The following CFAP99 variants were observed in gnomAD, a reference collection of about 807,000 sequenced individuals.
CFAP99 encodes cilia- and flagella-associated protein 99.
CFAP99 carries 84 observed loss-of-function variants against 82.7 expected under a neutral mutation model. That is an observed-to-expected ratio of 1.02 (90% CI 0.85 to 1.22). CFAP99 has a LOEUF of 1.22. CFAP99 is among the 50% of genes most tolerant of loss of function. The probability of loss-of-function intolerance (pLI) is 0.00; values close to 1 mark genes in which losing one functional copy is unlikely to be tolerated. For missense variants in CFAP99, 1,059 were observed against 983.5 expected (o/e 1.08, Z -1.03); for synonymous variants, 456 against 429.5 (o/e 1.06, Z -0.76).
At chr4:2,456,979 G>T (rs568392136) in intron 11 of CFAP99, among the ~76,000 whole-genome samples, 1 of 140,958 alleles carries the variant, frequency 7.1e-6, no homozygotes, top group Non-Finnish European at 1.5e-5. Context: ...TTGAGATCGG[G>T]TCTTGCTCTG....
chr4:2,459,399 T>A, intron 13 of CFAP99, 141 bp downstream of exon 13: 1 of 1,043,430 alleles, frequency 9.6e-7, no homozygotes, highest in Non-Finnish European at 1.3e-6. Context: ...CCTCCGTGAC[T>A]CAACACCCAT....
chr4:2,462,639 C>A lies in CFAP99; in HGVS notation c.1858C>A (p.Leu620Met). Residue 620 changes from leucine (L) to methionine (M), a missense_variant, in exon 15 of 15, where the codon CTG becomes ATG. Transcript: ENST00000635017. The surrounding 1 kb of genome is among the most constrained non-coding windows in gnomAD (Gnocchi z 4.1). The stretch of plus-strand genomic sequence containing the variant: ...GGATTGGTGGGAGGAGCCCGGGCGA[C>A]TGAAAGCCGGGGCCGGGTGGGGATG... 7.7e-7 allele frequency: 1 copy of A among 1,301,326 alleles called. No homozygotes were observed. Among genetic ancestry groups the A allele is most frequent in the South Asian group, 2.2e-5 (1 of 44,826 alleles). 80.6% of individuals were successfully genotyped at this position (1,301,326 alleles called of 1,614,324 possible).
At chr4:2,456,281 C>T (rs1734431041) in intron 11 of CFAP99, among the ~76,000 whole-genome samples, 2 of 152,124 alleles carry the variant, frequency 1.3e-5, no homozygotes, top group African/African-American at 4.8e-5. Context: ...GATCCACCTG[C>T]CTCGACCTCC....
rs1395128546 is a variant in CFAP99 at position 2,448,608 on chromosome 4, C to T, written c.643-1062C>T. On this transcript the variant is annotated intron_variant, in intron 6 of 14. Transcript: ENST00000635017. The surrounding 1 kb of genome is among the most constrained non-coding windows in gnomAD (Gnocchi z 5.2). ...CATGGAGTAAAAAACCAGAAGTGAG[C>T]AAGTCGGCCATGGGGTGTCTCAGAG... 6.6e-6 allele frequency among the ~76,000 whole-genome samples: 1 copy of T among 152,208 alleles called. No homozygotes were observed. The highest frequency in any genetic ancestry group is 6.5e-5 in the Admixed American group (1 of 15,282).
In CFAP99 at chr4:2,431,165, G is replaced by A. The variant is rs564734209; in HGVS notation, c.111+4579G>A. On this transcript the variant is annotated intron_variant, in intron 2 of 14. Coordinates refer to ENST00000635017, the Ensembl canonical transcript of CFAP99. Reference sequence around the variant, plus strand: ...AGGTGGATCACGAGGTCAGGAGATCGAGACCATCCTGGCTAACATGGTGAA... The same window carrying A: ...AGGTGGATCACGAGGTCAGGAGATCAAGACCATCCTGGCTAACATGGTGAA... 1.1e-3 allele frequency among the ~76,000 whole-genome samples: 165 copies of A among 151,634 alleles called. 1 individual carries two copies. The highest frequency in any genetic ancestry group is 3.7e-3 in the African/African-American group (153 of 41,346).
rs1259247524 is a variant in CFAP99, at chr4:2,447,976, GA to G, written c.643-1693del. ...GGATGGATGGATGGATGGATGGATG[GA>G]TGGCTTCATGGAAGGATAAGTAGAT... On this transcript the variant is annotated intron_variant, in intron 6 of 14. Transcript: ENST00000635017. Among the ~76,000 whole-genome samples, 11 of 144,644 alleles carry G rather than the reference GA, an allele frequency of 7.6e-5. No homozygotes were observed. In the East Asian group the frequency reaches 8.4e-4, roughly 11 times the overall value. 94.9% of individuals were successfully genotyped at this position (144,644 alleles called of 152,430 possible). A position where few individuals can be genotyped will look rare whatever the true frequency, so the allele number is the denominator to read the frequency against.
At chr4:2,442,166 G>A (rs1734057559) in intron 4 of CFAP99, among the ~76,000 whole-genome samples, 2 of 152,162 alleles carry the variant, frequency 1.3e-5, no homozygotes. Flanking sequence ...GGAGATGGAG[G>A]GATTGGGTGG....
exon 5 of CFAP99, chr4:2,443,230 A>G (rs1295700218): frequency 7.2e-6 from 11 of 1,533,778 alleles, no homozygotes; most frequent in Non-Finnish European, 9.6e-6. Flanking sequence ...AACTGGATCG[A>G]CCCCCTGATG....
intron 1 of CFAP99, among the ~76,000 whole-genome samples, chr4:2,421,734 C>A (rs1234726798): frequency 6.6e-6 from 1 of 152,038 alleles, no homozygotes; most frequent in Non-Finnish European, 1.5e-5. Context: ...AGAAAAAAAT[C>A]TTTAAACTTG....
At position 2,459,169 on chromosome 4, in the gene CFAP99, G is replaced by A. The variant is rs1183374341; in HGVS notation, c.1366G>A (p.Glu456Lys). ...GCGCAGGGCGCAGGCAGCCCAGGAG[G>A]AGCAGCGGCGCCGTTGTGAACTCAT... Residue 456 changes from glutamate (E) to lysine (K), a missense_variant, in exon 13 of 15, where the codon GAG becomes AAG. Physicochemically the swap from Glu to Lys is moderately conservative, Grantham distance 56. Coordinates refer to ENST00000635017, the Ensembl canonical transcript of CFAP99. The A allele has an allele frequency of 6.5e-6, 10 of 1,535,602 alleles. No individual in the cohort carries two copies. Among genetic ancestry groups the A allele is most frequent in the Admixed American group, 3.9e-5 (2 of 50,984 alleles).
chr4:2,436,474 C>A (rs1291898203), intron 2 of CFAP99, among the ~76,000 whole-genome samples: 1 of 152,200 alleles, frequency 6.6e-6, no homozygotes, highest in Non-Finnish European at 1.5e-5. Context: ...TCACTGCCCT[C>A]TATCTGCAGA....
chr4:2,441,992 G>A (rs529000361), intron 4 of CFAP99, among the ~76,000 whole-genome samples: 1 of 152,306 alleles, frequency 6.6e-6, no homozygotes, highest in Admixed American at 6.5e-5. Flanking sequence ...GAATCTGCCC[G>A]CTGGCAGAGG....
chr4:2,425,076 C>T (rs1733657135), intron 1 of CFAP99, among the ~76,000 whole-genome samples: 1 of 152,136 alleles, frequency 6.6e-6, no homozygotes, highest in African/African-American at 2.4e-5. Flanking sequence ...CTTCCGTCTC[C>T]TGTTTATGTT....
At chr4:2,438,484 A>G (rs1439767552) in intron 4 of CFAP99, among the ~76,000 whole-genome samples, 3 of 151,856 alleles carry the variant, frequency 2.0e-5, no homozygotes, top group Non-Finnish European at 2.9e-5. Context: ...GGATGGTCTC[A>G]ATCTCCTGAC....
Position 2,444,388 on chromosome 4 carries a change from G to C in CFAP99, c.465-743G>C, listed in dbSNP as rs138415408. Among the ~76,000 whole-genome samples the C allele has an allele frequency of 6.9e-3, 1,052 of 152,304 alleles. 10 individuals carry two copies. The highest frequency in any genetic ancestry group is 0.024 in the African/African-American group (1,002 of 41,568). ...CAACCTGCCTCAAGTTGGGAGCACT[G>C]GGGCCTGGCCCTGGCGAGACCCCAA... On this transcript the variant is annotated intron_variant, in intron 5 of 14. Transcript: ENST00000635017.
intron 2 of CFAP99, among the ~76,000 whole-genome samples, chr4:2,436,345 T>A (rs1042169445): frequency 1.3e-5 from 2 of 152,154 alleles, no homozygotes; most frequent in African/African-American, 4.8e-5. Context: ...TTGAAAACCT[T>A]TATGGGTTCA....
At chr4:2,426,550 T>C (rs1412588449) in exon 2 of CFAP99, 2 of 1,536,012 alleles carry the variant, frequency 1.3e-6, no homozygotes, top group Admixed American at 3.9e-5. Context: ...GGGACAACCC[T>C]GAGCAGTTCC....
rs1026338980 is a variant in CFAP99 at position 2,460,200 on chromosome 4, T to C, written c.1619T>C (p.Ile540Thr). ...GAACTGCAGAACATGGTGGAGCAGA[T>C]CTCGCTGTGCCGTGCAGCCATGGGG... Residue 540 changes from isoleucine to threonine, a missense_variant, in exon 14 of 15, where the codon ATC (isoleucine) becomes ACC (threonine). Ile to Thr is a moderately conservative substitution (Grantham distance 89, BLOSUM62 -1). Transcript: ENST00000635017. The C allele has an allele frequency of 1.3e-6, 2 of 1,535,834 alleles. No homozygotes were observed. Among genetic ancestry groups the C allele is most frequent in the African/African-American group, 1.4e-5 (1 of 72,970 alleles).
At chr4:2,426,229 CCTGCAGGAGACA>C (rs1288814060) in intron 1 of CFAP99, among the ~76,000 whole-genome samples, 3 of 152,094 alleles carry the variant, frequency 2.0e-5, no homozygotes, top group African/African-American at 7.2e-5. Flanking sequence ...GCCGCAGAGG[CCTGCAGGAGACA>C]GTGCAGGACA....
Sources: allele counts gnomAD v4.1 joint callset (sites outside exome capture counted in the v4.1 genomes callset), GRCh38; gene constraint gnomAD v4.1.1; non-coding constraint Gnocchi (gnomAD v3.1); transcripts MANE v1.5; gene names NCBI Gene and HGNC (gene_info 2026-07-23, HGNC 2026-07-21).